EPS8: variants seen among roughly 807,000 people sequenced by gnomAD.
EPS8 encodes the protein EGFR pathway substrate 8, signaling adaptor.
A neutral mutation model predicts 103.8 loss-of-function variants in EPS8; 42 were observed. That is an observed-to-expected ratio of 0.40 (90% confidence interval 0.32 to 0.52). EPS8 has a LOEUF of 0.52. Among genes scored for constraint, EPS8 ranks in the 20% least tolerant of loss-of-function variants. EPS8 has a pLI of 0.40. For synonymous variants in EPS8, 344 were observed against 344.6 expected (o/e 1.00, Z 0.02); for missense variants, 969 against 1,005.1 (o/e 0.96, Z 0.49).
intron 1 of EPS8, among the ~76,000 whole-genome samples, chr12:15,782,999 T>C (rs1319478843): frequency 6.6e-6 from 1 of 152,202 alleles, no homozygotes; most frequent in African/African-American, 2.4e-5. Flanking sequence ...ACCATAAACC[T>C]TGAATGAAAA....
intron 1 of EPS8, among the ~76,000 whole-genome samples, chr12:15,724,793 C>G (rs757430039): frequency 9.9e-5 from 15 of 152,234 alleles, no homozygotes; most frequent in Admixed American, 5.2e-4. Context: ...GTAAGACATG[C>G]CTTTCACCTT....
intron 2 of EPS8, among the ~76,000 whole-genome samples, chr12:15,682,524 A>C (rs1312595876): frequency 2.0e-5 from 3 of 152,212 alleles, no homozygotes; most frequent in Non-Finnish European, 4.4e-5. Context: ...ATGACATTTA[A>C]CCCTTCTCAA....
At chr12:15,774,593 T>C (rs1270396116) in intron 1 of EPS8, among the ~76,000 whole-genome samples, 1 of 147,832 alleles carries the variant, frequency 6.8e-6, no homozygotes, top group Non-Finnish European at 1.5e-5. Context: ...TAAATATATA[T>C]GTACACATAT....
chr12:15,718,033 A>G (rs1448051466), intron 1 of EPS8, among the ~76,000 whole-genome samples: 1 of 152,098 alleles, frequency 6.6e-6, no homozygotes, highest in African/African-American at 2.4e-5. Context: ...CATGTCCTAT[A>G]ACTAAAGATT....
Position 15,747,056 on chromosome 12 carries a change from C to A in EPS8, c.-22+42105G>T, listed in dbSNP as rs115092176. Reference sequence around the variant, plus strand: ...CTCAACAGTCAATACATATTTTGTACGCAGGAAGTGTTCAGAGAAAATAAA... The same window carrying A: ...CTCAACAGTCAATACATATTTTGTAAGCAGGAAGTGTTCAGAGAAAATAAA... On this transcript the variant is annotated intron_variant, in intron 1 of 20. Transcript: ENST00000281172. This position sits in a 1 kb window ranked among gnomAD's most constrained non-coding sequence, Gnocchi z 4.4. 6.6e-6 allele frequency among the ~76,000 whole-genome samples: 1 copy of A among 152,104 alleles called. No individual in the cohort carries two copies. Among genetic ancestry groups the A allele is most frequent in the Non-Finnish European group, 1.5e-5 (1 of 68,030 alleles).
chr12:15,667,226 C>T (rs1276966683), intron 6 of EPS8, among the ~76,000 whole-genome samples: 1 of 152,128 alleles, frequency 6.6e-6, no homozygotes, highest in Admixed American at 6.5e-5. Context: ...TCCCTGTTCT[C>T]TGTAATGTTT....
chr12:15,729,106 T>C (rs1016414104), intron 1 of EPS8, among the ~76,000 whole-genome samples: 5 of 152,198 alleles, frequency 3.3e-5, no homozygotes, highest in Non-Finnish European at 7.3e-5. Flanking sequence ...TGAAGAGATG[T>C]CCGATGTAAT....
In EPS8 at chr12:15,752,378, C is replaced by T. The variant is rs374100472; in HGVS notation, c.-22+36783G>A. On this transcript the variant is annotated intron_variant, in intron 1 of 20. Coordinates refer to ENST00000281172, the MANE Select transcript of EPS8 (RefSeq NM_004447.6). This position sits in a 1 kb window ranked among gnomAD's most constrained non-coding sequence, Gnocchi z 4.4. Reference sequence around the variant, plus strand: ...AGGAGAATGGCGTGAACCCGCGAGGCGGAGCTTGCAGTGAGCTGAGATCAT... The same window carrying T: ...AGGAGAATGGCGTGAACCCGCGAGGTGGAGCTTGCAGTGAGCTGAGATCAT... Among the ~76,000 whole-genome samples the T allele has an allele frequency of 4.0e-5, 6 of 151,680 alleles. No homozygotes were observed. Among genetic ancestry groups the T allele is most frequent in the African/African-American group, 7.3e-5 (3 of 41,228 alleles).
In EPS8 at chr12:15,735,824, G is replaced by A. The variant is rs532948863; in HGVS notation, c.-21-52852C>T. Among the ~76,000 whole-genome samples the A allele has an allele frequency of 1.1e-4, 16 of 152,114 alleles. No individual in the cohort carries two copies. The highest frequency in any genetic ancestry group is 2.6e-4 in the Admixed American group (4 of 15,276). ...TTAAATATTTAAACAATCCATAATT[G>A]GCAATATTTTTAAAAACTTATATAG... is the stretch of plus-strand genomic sequence containing the variant. On this transcript the variant is annotated intron_variant, in intron 1 of 20. Transcript: ENST00000281172. The surrounding 1 kb of genome is among the most constrained non-coding windows in gnomAD (Gnocchi z 4.4).
intron 6 of EPS8, among the ~76,000 whole-genome samples, chr12:15,667,978 G>T (rs539349287): frequency 1.2e-4 from 19 of 152,164 alleles, no homozygotes; most frequent in African/African-American, 3.9e-4. Context: ...TAGCTCCCGG[G>T]GGGGGCTTTT....
In EPS8 at chr12:15,721,700, T is replaced by G. The variant is rs374438434; in HGVS notation, c.-21-38728A>C. On this transcript the variant is annotated intron_variant, in intron 1 of 20. Coordinates refer to ENST00000281172, the MANE Select transcript of EPS8 (RefSeq NM_004447.6). The surrounding 1 kb of genome is among the most constrained non-coding windows in gnomAD (Gnocchi z 4.4). ...AAGTTAAAAGGATTTTCCTGAAAAC[T>G]TAAAAGTAATAAAAGCACACTTTAC... 1.3e-5 allele frequency among the ~76,000 whole-genome samples: 2 copies of G among 152,102 alleles called. No homozygotes were observed. The highest frequency in any genetic ancestry group is 2.9e-5 in the Non-Finnish European group (2 of 68,032).
intron 17 of EPS8, among the ~76,000 whole-genome samples, chr12:15,634,284 C>T (rs553920863): frequency 6.6e-6 from 1 of 152,188 alleles, no homozygotes; most frequent in Non-Finnish European, 1.5e-5. Context: ...TTACTCTTGC[C>T]TGTGATAGCC....
chr12:15,700,172 A>C lies in EPS8; in HGVS notation c.-21-17200T>G, dbSNP rs1348432638. Among the ~76,000 whole-genome samples the C allele has an allele frequency of 2.0e-5, 3 of 152,158 alleles. No homozygotes were observed. Among genetic ancestry groups the C allele is most frequent in the Non-Finnish European group, 2.9e-5 (2 of 68,032 alleles). ...TCCATCTCAAAAACAACAACAACAA[A>C]AAAAGAAACTCTTCCCTAACCAACT... On this transcript the variant is annotated intron_variant, in intron 1 of 20. Transcript: ENST00000281172. The surrounding 1 kb of genome is among the most constrained non-coding windows in gnomAD (Gnocchi z 5.1).
At position 15,662,409 on chromosome 12, in the gene EPS8, T is replaced by A. The variant is rs939909514; in HGVS notation, c.737-310A>T. 8.8e-5 allele frequency: 94 copies of A among 1,066,548 alleles called. 1 individual carries two copies. In the African/African-American group the frequency reaches 1.5e-3, roughly 17 times the overall value. 66.1% of individuals were successfully genotyped at this position (1,066,548 alleles called of 1,614,324 possible). A position where few individuals can be genotyped will look rare whatever the true frequency, so the allele number is the denominator to read the frequency against. ...GAACCAACCTTAACTTAGCACCCTT[T>A]AATTCCTACACAAGCCAGAAATATA... On this transcript the variant is annotated intron_variant, in intron 8 of 20. Coordinates refer to ENST00000281172, the MANE Select transcript of EPS8 (RefSeq NM_004447.6).
At position 15,748,199 on chromosome 12, in the gene EPS8, C is replaced by T. The variant is rs566352919; in HGVS notation, c.-22+40962G>A. The stretch of plus-strand genomic sequence containing the variant: ...AAATGGGAAATAATCATAATACCAA[C>T]CTTGTCTACTGCATAAGATCACTGA... On this transcript the variant is annotated intron_variant, in intron 1 of 20. Coordinates refer to ENST00000281172, the MANE Select transcript of EPS8 (RefSeq NM_004447.6). This position sits in a 1 kb window ranked among gnomAD's most constrained non-coding sequence, Gnocchi z 4.8. Among the ~76,000 whole-genome samples the T allele has an allele frequency of 6.6e-6, 1 of 152,112 alleles. No homozygotes were observed. Among genetic ancestry groups the T allele is most frequent in the Non-Finnish European group, 1.5e-5 (1 of 68,034 alleles).
chr12:15,636,918 T>C (rs762028733), intron 17 of EPS8, among the ~76,000 whole-genome samples: 21 of 152,240 alleles, frequency 1.4e-4, no homozygotes, highest in Non-Finnish European at 2.9e-4. Context: ...TTTATCACAG[T>C]ATAATGCAAA....
Position 15,777,677 on chromosome 12 carries a change from A to C in EPS8, c.-22+11484T>G, listed in dbSNP as rs1947220770. Among the ~76,000 whole-genome samples the C allele has an allele frequency of 6.6e-6, 1 of 152,206 alleles. No homozygotes were observed. Among genetic ancestry groups the C allele is most frequent in the African/African-American group, 2.4e-5 (1 of 41,450 alleles). On this transcript the variant is annotated intron_variant, in intron 1 of 20. Transcript: ENST00000281172. The surrounding 1 kb of genome is among the most constrained non-coding windows in gnomAD (Gnocchi z 4.7). ...TAGAATAGTAATTGGAAAGCTATCA[A>C]AGTTATGAAAAATATACTTTTCTAT...
intron 1 of EPS8, among the ~76,000 whole-genome samples, chr12:15,685,093 C>T (rs893032673): frequency 7.9e-5 from 12 of 152,172 alleles, no homozygotes; most frequent in Non-Finnish European, 7.3e-5. Context: ...AAATTCTTCA[C>T]GATTGGCTAA....
chr12:15,774,213 T>C (rs1476025399), intron 1 of EPS8, among the ~76,000 whole-genome samples: 1 of 151,908 alleles, frequency 6.6e-6, no homozygotes, highest in Non-Finnish European at 1.5e-5. Context: ...ATAACCAAAA[T>C]GAGGAACTAA....
Sources: allele counts gnomAD v4.1 joint callset (sites outside exome capture counted in the v4.1 genomes callset), GRCh38; gene constraint gnomAD v4.1.1; non-coding constraint Gnocchi (gnomAD v3.1); transcripts MANE v1.5; gene names NCBI Gene and HGNC (gene_info 2026-07-23, HGNC 2026-07-21).